Variants in CSMD1 observed in about 807,000 individuals in gnomAD.
CSMD1 encodes the protein CUB and sushi domain-containing protein 1.
CSMD1 carries 213 observed loss-of-function variants against 417.5 expected under a neutral mutation model. The ratio of observed to expected loss-of-function variants is 0.51; its 90% confidence interval spans 0.46 to 0.57. The LOEUF is 0.57. CSMD1 is among the 20% of genes least tolerant of loss of function. CSMD1 has a pLI of 0.00. For missense variants in CSMD1, 6,923 were observed against 4,529.7 expected (o/e 1.53, Z -15.17); for synonymous variants, 2,862 against 1,736.8 (o/e 1.65, Z -16.11).
At chr8:3,985,777 A>G (rs977853448) in intron 5 of CSMD1, among the ~76,000 whole-genome samples, 10 of 139,902 alleles carry the variant, frequency 7.1e-5, no homozygotes, top group African/African-American at 2.4e-4. Flanking sequence ...TTTTTTTGAG[A>G]TGGAGTCTCA....
At chr8:3,481,716 T>A (rs1035102024) in intron 11 of CSMD1, among the ~76,000 whole-genome samples, 1 of 152,138 alleles carries the variant, frequency 6.6e-6, no homozygotes, top group Non-Finnish European at 1.5e-5. Context: ...GTCTCGTGAC[T>A]CTGAATTCAG....
At chr8:3,422,694 T>A (rs1291589660) in intron 12 of CSMD1, among the ~76,000 whole-genome samples, 1 of 152,244 alleles carries the variant, frequency 6.6e-6, no homozygotes, top group East Asian at 1.9e-4. Context: ...TGATTTTATG[T>A]ATTTTTCATC....
intron 5 of CSMD1, among the ~76,000 whole-genome samples, chr8:3,898,532 G>C (rs531552466): frequency 2.2e-4 from 34 of 152,138 alleles, no homozygotes; most frequent in Non-Finnish European, 2.9e-5. Flanking sequence ...TCATATCTTT[G>C]GGTTGTCACA....
In CSMD1 at chr8:3,102,535, G is replaced by A. The variant is rs546103009; in HGVS notation, c.6949+3993C>T. On this transcript the variant is annotated intron_variant, in intron 46 of 69. Coordinates refer to ENST00000635120, the MANE Select transcript of CSMD1 (RefSeq NM_033225.6). ...AGGAAATTTAGAGAATAACGCTCAT[G>A]TTGTGTTGATTTAGACATGTGCCAC... is the stretch of plus-strand genomic sequence containing the variant. Among the ~76,000 whole-genome samples, 7 of 152,110 alleles carry A rather than the reference G, an allele frequency of 4.6e-5. No individual in the cohort carries two copies. In the East Asian group the frequency reaches 7.8e-4, roughly 17 times the overall value.
At position 3,369,232 on chromosome 8, in the gene CSMD1, G is replaced by A. The variant is rs759820316; in HGVS notation, c.2899+22C>T. On this transcript the variant is annotated intron_variant, in intron 19 of 69. Coordinates refer to ENST00000635120, the MANE Select transcript of CSMD1 (RefSeq NM_033225.6). ...GTCTCATTTATTAGTCTGTATGTTT[G>A]AGACCTATGATAGATTCTTACCTTT... 15 of 1,155,556 alleles carry A rather than the reference G, an allele frequency of 1.3e-5. No individual in the cohort carries two copies. In the Admixed American group the frequency reaches 1.4e-4, roughly 11 times the overall value. The allele number at this position is 1,155,556 out of a possible 1,614,324, so 71.6% of individuals were successfully genotyped here.
intron 12 of CSMD1, among the ~76,000 whole-genome samples, chr8:3,431,701 T>C (rs905529489): frequency 2.0e-5 from 3 of 152,192 alleles, no homozygotes; most frequent in Non-Finnish European, 2.9e-5. Flanking sequence ...CTTGCTAAAA[T>C]TAAGAGGAAA....
At chr8:3,003,550 T>G (rs970203675) in intron 52 of CSMD1, among the ~76,000 whole-genome samples, 3 of 152,210 alleles carry the variant, frequency 2.0e-5, no homozygotes, top group East Asian at 3.9e-4. Flanking sequence ...CTATGTCACC[T>G]TCATGTATTT....
intron 3 of CSMD1, among the ~76,000 whole-genome samples, chr8:4,158,399 C>A (rs1373600236): frequency 2.6e-5 from 4 of 152,002 alleles, no homozygotes. Context: ...GTGCGGTCAT[C>A]ACTATTGCAA....
At chr8:3,101,053 G>C (rs1394327428) in intron 46 of CSMD1, among the ~76,000 whole-genome samples, 1 of 27,174 alleles carries the variant, frequency 3.7e-5, no homozygotes, top group Non-Finnish European at 6.4e-5. Flanking sequence ...AATACGTATG[G>C]TGTTTTTTTT....
In CSMD1 at chr8:2,959,730, G is replaced by C. The variant is rs188724428; in HGVS notation, c.9702+1411C>G. Among the ~76,000 whole-genome samples, 3 of 152,272 alleles carry C rather than the reference G, an allele frequency of 2.0e-5. No homozygotes were observed. The South Asian group carries it at 6.2e-4, about 32-fold the overall frequency. On this transcript the variant is annotated intron_variant, in intron 62 of 69. Coordinates refer to ENST00000635120, the MANE Select transcript of CSMD1 (RefSeq NM_033225.6). ...TTCACACTGAAATGGCTCACTTTGT[G>C]TAAGTAAGGTTTCAGCATATGGTGC...
In CSMD1 at chr8:3,796,070, CATAG is replaced by C. The variant is rs1800084354; in HGVS notation, c.819-42032_819-42029del. On this transcript the variant is annotated intron_variant, in intron 5 of 69. Transcript: ENST00000635120. ...ATCATAGATATAGATATATATCTAT[CATAG>C]ATATAGATATATATCTATCATAGAT... 1.0e-4 allele frequency among the ~76,000 whole-genome samples: 4 copies of C among 39,048 alleles called. 2 individuals carry two copies. Among genetic ancestry groups the C allele is most frequent in the South Asian group, 1.7e-3 (2 of 1,208 alleles). 25.6% of individuals were successfully genotyped at this position (39,048 alleles called of 152,430 possible). A position where few individuals can be genotyped will look rare whatever the true frequency, so the allele number is the denominator to read the frequency against.
At chr8:3,679,487 A>G (rs1472562862) in intron 7 of CSMD1, among the ~76,000 whole-genome samples, 2 of 152,210 alleles carry the variant, frequency 1.3e-5, no homozygotes, top group Non-Finnish European at 1.5e-5. Context: ...AGAGCTAACT[A>G]TCCTAAATAT....
rs567157637 is a variant in CSMD1 at position 2,995,947 on chromosome 8, T to C, written c.8377+2064A>G. On this transcript the variant is annotated intron_variant, in intron 54 of 69. Transcript: ENST00000635120. ...TTTATAAGCGGAGTAAGGCGGATTCTAGTGATAATGGACATTCTCCATCTT... is the reference window on the plus strand; with the variant it reads ...TTTATAAGCGGAGTAAGGCGGATTCCAGTGATAATGGACATTCTCCATCTT... Among the ~76,000 whole-genome samples, 20 of 152,304 alleles carry C rather than the reference T, an allele frequency of 1.3e-4. No homozygotes were observed. The South Asian group carries it at 3.9e-3, about 30-fold the overall frequency.
intron 3 of CSMD1, among the ~76,000 whole-genome samples, chr8:4,278,159 T>G (rs1796588862): frequency 1.3e-5 from 2 of 152,206 alleles, no homozygotes. Flanking sequence ...AATCTATTCT[T>G]GAATTTCAGA....
intron 5 of CSMD1, among the ~76,000 whole-genome samples, chr8:3,884,830 G>C (rs139533676): frequency 2.6e-5 from 4 of 151,240 alleles, no homozygotes; most frequent in Admixed American, 2.0e-4. Context: ...TCTCTACTTC[G>C]TCGTCAGTCT....
chr8:4,552,007 T>G (rs145289167), intron 2 of CSMD1, among the ~76,000 whole-genome samples: 1 of 152,246 alleles, frequency 6.6e-6, no homozygotes, highest in East Asian at 1.9e-4. Flanking sequence ...TTTAGCAAAC[T>G]AAAAGATCTA....
At chr8:4,984,772 C>T (rs1244004956) in intron 1 of CSMD1, among the ~76,000 whole-genome samples, 2 of 152,222 alleles carry the variant, frequency 1.3e-5, no homozygotes, top group Non-Finnish European at 2.9e-5. Context: ...AGGAAAAACC[C>T]CCAGATTCTT....
chr8:3,481,963 G>A (rs1371668655), intron 11 of CSMD1, among the ~76,000 whole-genome samples: 3 of 152,166 alleles, frequency 2.0e-5, no homozygotes, highest in East Asian at 1.9e-4. Flanking sequence ...GGAAATAAAT[G>A]TATCAGTAGA....
At chr8:4,120,908 G>T (rs142469757) in intron 3 of CSMD1, among the ~76,000 whole-genome samples, 1 of 151,964 alleles carries the variant, frequency 6.6e-6, no homozygotes, top group African/African-American at 2.4e-5. Context: ...ATTTATTTAG[G>T]AATTCTGTTC....
Sources: gnomAD v4.1 joint callset for allele counts (sites outside exome capture counted in the v4.1 genomes callset) on GRCh38, gnomAD v4.1.1 for gene constraint, MANE v1.5 for transcripts, NCBI Gene and HGNC (gene_info 2026-07-23, HGNC 2026-07-21) for gene names.